The following PPP3CA variants were observed in gnomAD, a reference collection of about 807,000 sequenced individuals.
The protein encoded by PPP3CA is protein phosphatase 3 catalytic subunit alpha.
Under a neutral mutation model 66.5 loss-of-function variants are expected in PPP3CA, and 14 were observed. The observed-to-expected ratio is 0.21, with a 90% confidence interval of 0.14 to 0.33. The LOEUF (loss-of-function observed/expected upper bound fraction) is 0.33, where lower values mean the gene tolerates loss of function less well. Ranked by LOEUF, PPP3CA falls within the 10% of genes least tolerant of loss-of-function variation. The pLI, the probability that PPP3CA is intolerant of heterozygous loss-of-function variation, is 1.00. For synonymous variants in PPP3CA, 232 were observed against 226.2 expected (o/e 1.03, Z -0.23); for missense variants, 317 against 639.5 (o/e 0.50, Z 5.44).
chr4:101,306,662 C>CA, intron 1 of PPP3CA, among the ~76,000 whole-genome samples: 1 of 151,900 alleles, frequency 6.6e-6, no homozygotes, highest in East Asian at 1.9e-4. Context: ...AGAAGCAAAC[C>CA]AAAAAAATAA....
At chr4:101,122,400 G>A (rs1008392481) in intron 2 of PPP3CA, among the ~76,000 whole-genome samples, 2 of 152,136 alleles carry the variant, frequency 1.3e-5, no homozygotes, top group African/African-American at 2.4e-5. Context: ...GTGTGTGTGT[G>A]TACACAGGTA....
intron 1 of PPP3CA, among the ~76,000 whole-genome samples, chr4:101,324,043 G>A (rs533991173): frequency 6.6e-6 from 1 of 152,188 alleles, no homozygotes; most frequent in East Asian, 1.9e-4. Flanking sequence ...AACCTGGGAG[G>A]CAGAGGTTGC....
chr4:101,154,893 T>C (rs991958151), intron 2 of PPP3CA, among the ~76,000 whole-genome samples: 1 of 139,614 alleles, frequency 7.2e-6, no homozygotes, highest in Non-Finnish European at 1.5e-5. Context: ...CTCGGCTCAC[T>C]GCAACCTCCA....
chr4:101,312,045 T>C lies in PPP3CA; in HGVS notation c.58+34694A>G, dbSNP rs1578655620. ...TAGTTGACATTTAATGAATGCCTAC[T>C]CTTTGCCAAGCACTTTTCTATGTGG... On this transcript the variant is annotated intron_variant, in intron 1 of 13. Transcript: ENST00000394854. Among the ~76,000 whole-genome samples the C allele has an allele frequency of 2.0e-5, 3 of 152,222 alleles. No homozygotes were observed. The South Asian group carries it at 6.2e-4, about 32-fold the overall frequency.
At chr4:101,037,440 C>G (rs1727302732) in intron 11 of PPP3CA, among the ~76,000 whole-genome samples, 1 of 152,186 alleles carries the variant, frequency 6.6e-6, no homozygotes, top group Non-Finnish European at 1.5e-5. Flanking sequence ...GGCAAGTATA[C>G]CTGACAAATT....
chr4:101,119,438 C>G (rs1174739933), intron 2 of PPP3CA, among the ~76,000 whole-genome samples: 1 of 151,900 alleles, frequency 6.6e-6, no homozygotes, highest in East Asian at 1.9e-4. Context: ...AGTAATGTTT[C>G]AAAAGCTGGA....
intron 1 of PPP3CA, among the ~76,000 whole-genome samples, chr4:101,228,281 C>A (rs1441248485): frequency 6.6e-6 from 1 of 151,504 alleles, no homozygotes; most frequent in Non-Finnish European, 1.5e-5. Flanking sequence ...TGCTATTTAA[C>A]TATAATAATT....
chr4:101,185,754 C>T (rs1724389612), intron 2 of PPP3CA, among the ~76,000 whole-genome samples: 1 of 152,166 alleles, frequency 6.6e-6, no homozygotes, highest in South Asian at 2.1e-4. Context: ...AGACACTGGG[C>T]TCTGGAACCA....
chr4:101,046,271 ATTATAC>A, intron 10 of PPP3CA, among the ~76,000 whole-genome samples: 1 of 152,164 alleles, frequency 6.6e-6, no homozygotes. Context: ...GTTTGAAAAA[ATTATAC>A]TTAAATATCT....
At chr4:101,324,614 C>T (rs1464144998) in intron 1 of PPP3CA, among the ~76,000 whole-genome samples, 2 of 151,990 alleles carry the variant, frequency 1.3e-5, no homozygotes, top group Admixed American at 6.6e-5. Context: ...ATTCTTGGTC[C>T]AGTTTTTGTC....
At chr4:101,191,195 T>C (rs772770340) in intron 2 of PPP3CA, among the ~76,000 whole-genome samples, 1 of 152,066 alleles carries the variant, frequency 6.6e-6, no homozygotes, top group Non-Finnish European at 1.5e-5. Context: ...AATCAGAAAC[T>C]CTGGAGGCAG....
intron 5 of PPP3CA, among the ~76,000 whole-genome samples, chr4:101,098,166 G>A (rs746733852): frequency 6.6e-6 from 1 of 152,074 alleles, no homozygotes; most frequent in African/African-American, 2.4e-5. Flanking sequence ...CAACCCTGAG[G>A]TTGTAGAGAT....
chr4:101,276,877 A>G (rs1046943379), intron 1 of PPP3CA, among the ~76,000 whole-genome samples: 1 of 152,128 alleles, frequency 6.6e-6, no homozygotes, highest in African/African-American at 2.4e-5. Context: ...TTGATACGTT[A>G]TTATTAACTA....
At chr4:101,083,372 T>A in intron 6 of PPP3CA, 109 bp from the exon 7 acceptor site, 1 of 967,508 alleles carries the variant, frequency 1.0e-6, no homozygotes, top group East Asian at 2.5e-5. Flanking sequence ...TAATCAAACA[T>A]ACATCATTCA....
chr4:101,038,014 C>G (rs2110209372), intron 11 of PPP3CA, among the ~76,000 whole-genome samples: 1 of 152,344 alleles, frequency 6.6e-6, no homozygotes, highest in Admixed American at 6.5e-5. Context: ...CTTAGCCTCT[C>G]TCAGATTCAA....
rs148244391 is a variant in PPP3CA at position 101,262,753 on chromosome 4, A to G, written c.59-66637T>C. Among the ~76,000 whole-genome samples the G allele has an allele frequency of 1.8e-3, 280 of 152,272 alleles. 1 individual carries two copies. Among genetic ancestry groups the G allele is most frequent in the African/African-American group, 5.7e-3 (238 of 41,562 alleles). On this transcript the variant is annotated intron_variant, in intron 1 of 13. Coordinates refer to ENST00000394854, the MANE Select transcript of PPP3CA (RefSeq NM_000944.5). ...ACTGTATGTGTGCCTTCTAGGAATAATCAGAAAAATGTGTGTCAAGCTTAT... is the reference window on the plus strand; with the variant it reads ...ACTGTATGTGTGCCTTCTAGGAATAGTCAGAAAAATGTGTGTCAAGCTTAT...
At chr4:101,328,588 C>A (rs1475616194) in intron 1 of PPP3CA, among the ~76,000 whole-genome samples, 1 of 152,176 alleles carries the variant, frequency 6.6e-6, no homozygotes, top group Non-Finnish European at 1.5e-5. Flanking sequence ...GCATACCTCA[C>A]TTATTGTGTT....
intron 2 of PPP3CA, among the ~76,000 whole-genome samples, chr4:101,130,564 C>A (rs186071280): frequency 6.6e-6 from 1 of 152,132 alleles, no homozygotes; most frequent in Non-Finnish European, 1.5e-5. Flanking sequence ...CTGCAGAAAC[C>A]CTACAAGCCA....
intron 1 of PPP3CA, among the ~76,000 whole-genome samples, chr4:101,266,319 T>C (rs928394993): frequency 1.3e-5 from 2 of 152,180 alleles, no homozygotes; most frequent in South Asian, 2.1e-4. Context: ...ATTTATATCT[T>C]ACATCATAAG....
Sources: gnomAD v4.1 joint callset for allele counts (sites outside exome capture counted in the v4.1 genomes callset) on GRCh38, gnomAD v4.1.1 for gene constraint, MANE v1.5 for transcripts, NCBI Gene and HGNC (gene_info 2026-07-23, HGNC 2026-07-21) for gene names.